The following THEMIS variants were observed in gnomAD, a reference collection of about 807,000 sequenced individuals.
THEMIS encodes the protein protein THEMIS.
A neutral mutation model predicts 52.6 loss-of-function variants in THEMIS; 37 were observed. The ratio of observed to expected loss-of-function variants is 0.70; its 90% CI spans 0.54 to 0.93. The LOEUF (loss-of-function observed/expected upper bound fraction) is 0.93, where lower values mean the gene tolerates loss of function less well. Among genes scored for constraint, THEMIS ranks in the 40% least tolerant of loss-of-function variants. The pLI, the probability that THEMIS is intolerant of heterozygous loss-of-function variation, is 0.00. For missense variants in THEMIS, 808 were observed against 763.1 expected, an observed-to-expected ratio of 1.06 and a Z score of -0.69; for synonymous variants, 292 against 272.7, an observed-to-expected ratio of 1.07 and a Z score of -0.70.
upstream of THEMIS, among the ~76,000 whole-genome samples, chr6:127,904,946 T>TTCTCTCTCACTCTCTCTCTCTC (rs779624828): frequency 6.6e-6 from 1 of 150,912 alleles, no homozygotes. Flanking sequence ...CTCTCTCTCT[T>TTCTCTCTCACTCTCTCTCTCTC]TCTCTCTCAC....
intron 1 of THEMIS, among the ~76,000 whole-genome samples, chr6:127,907,337 A>ATTGTTTTTTTTTTTT (rs1781297569): frequency 2.0e-5 from 1 of 49,448 alleles, no homozygotes; most frequent in Non-Finnish European, 3.7e-5. Context: ...TTAGGCTCGG[A>ATTGTTTTTTTTTTTT]TTTTTTTTTT....
intron 2 of THEMIS, 100 bp downstream of exon 2, chr6:127,854,930 G>A: frequency 8.4e-6 from 9 of 1,070,838 alleles, no homozygotes; most frequent in Non-Finnish European, 1.1e-5. Flanking sequence ...TTATCCTAGA[G>A]TGAAAAACAG....
At chr6:127,878,284 T>C (rs1366344299) in intron 1 of THEMIS, among the ~76,000 whole-genome samples, 3 of 152,190 alleles carry the variant, frequency 2.0e-5, no homozygotes, top group Non-Finnish European at 2.9e-5. Context: ...AAAACAGTTT[T>C]GTTACCTGAT....
At chr6:127,725,593 A>T (rs1774516397) in intron 4 of THEMIS, among the ~76,000 whole-genome samples, 1 of 152,160 alleles carries the variant, frequency 6.6e-6, no homozygotes, top group Non-Finnish European at 1.5e-5. Context: ...AATATGATAG[A>T]GGCAAATATT....
chr6:127,809,318 A>C (rs1286159323), intron 4 of THEMIS, among the ~76,000 whole-genome samples: 1 of 152,176 alleles, frequency 6.6e-6, no homozygotes, highest in Admixed American at 6.5e-5. Context: ...GAAACATAAA[A>C]GGAATATATG....
chr6:127,859,956 A>T (rs1012747060), intron 1 of THEMIS, among the ~76,000 whole-genome samples: 1 of 152,172 alleles, frequency 6.6e-6, no homozygotes, highest in African/African-American at 2.4e-5. Flanking sequence ...ATTATCAAGA[A>T]GGAGCATCCC....
intron 4 of THEMIS, among the ~76,000 whole-genome samples, chr6:127,809,950 T>G (rs759547418): frequency 4.0e-5 from 6 of 151,022 alleles, no homozygotes; most frequent in Non-Finnish European, 7.4e-5. Flanking sequence ...CCTTACAAAC[T>G]CCAGTTAAAA....
chr6:127,895,603 T>C lies in THEMIS; in HGVS notation c.91+5239A>G, dbSNP rs547900748. Among the ~76,000 whole-genome samples, 219 of 151,618 alleles carry C rather than the reference T, an allele frequency of 1.4e-3. 2 individuals are homozygous for C. The highest frequency in any genetic ancestry group is 4.9e-3 in the African/African-American group (204 of 41,544). On this transcript the variant is annotated intron_variant, in intron 1 of 5. Transcript: ENST00000368248. ...TAGCCTAGGATACATAAGAACTCTA[T>C]AGAGACACTTTTTTAAACTGTGATA...
the THEMIS span, among the ~76,000 whole-genome samples, chr6:127,697,934 T>C: frequency 6.6e-6 from 1 of 152,180 alleles, no homozygotes; most frequent in East Asian, 1.9e-4. Flanking sequence ...CAAAATCAAG[T>C]TACTCCTCCA....
chr6:127,868,625 T>C (rs1165126377), intron 1 of THEMIS, among the ~76,000 whole-genome samples: 4 of 152,174 alleles, frequency 2.6e-5, no homozygotes, highest in Admixed American at 1.3e-4. Context: ...CTGCCTTGTC[T>C]ATTTATTCCC....
intron 1 of THEMIS, among the ~76,000 whole-genome samples, chr6:127,881,006 G>A (rs1307472310): frequency 6.6e-6 from 1 of 152,030 alleles, no homozygotes; most frequent in Non-Finnish European, 1.5e-5. Flanking sequence ...GATGTTCCAA[G>A]TAAAATGTAA....
intron 2 of THEMIS, among the ~76,000 whole-genome samples, chr6:127,848,865 T>G (rs1779317775): frequency 6.6e-6 from 1 of 152,150 alleles, no homozygotes; most frequent in Non-Finnish European, 1.5e-5. Flanking sequence ...TTTCCTCCCA[T>G]TTTGTCGGTT....
intron 4 of THEMIS, among the ~76,000 whole-genome samples, chr6:127,798,884 C>T (rs1388468799): frequency 8.7e-5 from 13 of 149,514 alleles, no homozygotes; most frequent in Admixed American, 7.4e-4. Context: ...CCCAGCTACT[C>T]GGGAGGCTGA....
chr6:127,752,663 A>C (rs374270100), intron 4 of THEMIS, among the ~76,000 whole-genome samples: 5 of 151,846 alleles, frequency 3.3e-5, no homozygotes, highest in Admixed American at 2.0e-4. Context: ...AATTATGAGT[A>C]AGAAGATTGA....
At chr6:127,876,954 A>T (rs953443598) in intron 1 of THEMIS, among the ~76,000 whole-genome samples, 2 of 152,238 alleles carry the variant, frequency 1.3e-5, no homozygotes, top group African/African-American at 4.8e-5. Flanking sequence ...GAATATTACA[A>T]TAAGGCAAGT....
At chr6:127,764,665 C>G (rs1776133637) in intron 4 of THEMIS, among the ~76,000 whole-genome samples, 1 of 151,992 alleles carries the variant, frequency 6.6e-6, no homozygotes. Context: ...TCATTGATAA[C>G]CAGACTATGG....
intron 4 of THEMIS, among the ~76,000 whole-genome samples, chr6:127,787,850 T>TATAG (rs149637898): frequency 0.028 from 3,795 of 137,408 alleles, 105 homozygotes; most frequent in African/African-American, 0.054. Context: ...GATAGACAGA[T>TATAG]ATAGATAGAT....
intron 2 of THEMIS, among the ~76,000 whole-genome samples, chr6:127,833,669 T>C (rs1006728403): frequency 2.6e-5 from 4 of 152,126 alleles, no homozygotes; most frequent in Admixed American, 2.6e-4. Context: ...ACAATAATAA[T>C]CTCTGGTCCT....
chr6:127,831,988 C>G (rs1340460108), intron 2 of THEMIS, among the ~76,000 whole-genome samples: 2 of 151,954 alleles, frequency 1.3e-5, no homozygotes, highest in Non-Finnish European at 2.9e-5. Flanking sequence ...TAAGAGTCCA[C>G]AATCATTATG....
Sources: allele counts gnomAD v4.1 joint callset (sites outside exome capture counted in the v4.1 genomes callset), GRCh38; gene constraint gnomAD v4.1.1; transcripts MANE v1.5; gene names NCBI Gene and HGNC (gene_info 2026-07-23, HGNC 2026-07-21).